NLK: variants seen among roughly 807,000 people sequenced by gnomAD.
NLK encodes serine/threonine-protein kinase NLK.
Under a neutral mutation model 59.0 loss-of-function variants are expected in NLK, and 11 were observed. The observed-to-expected ratio is 0.19, with a 90% CI of 0.12 to 0.31. The LOEUF is 0.31. Among genes scored for constraint, NLK ranks in the 10% least tolerant of loss-of-function variants. NLK has a pLI of 1.00. For missense variants in NLK, 410 were observed against 661.1 expected (o/e 0.62, Z 4.16); for synonymous variants, 235 against 235.9 (o/e 1.00, Z 0.03).
intron 3 of NLK, among the ~76,000 whole-genome samples, chr17:28,133,937 A>G (rs1215885723): frequency 1.3e-5 from 2 of 152,168 alleles, no homozygotes; most frequent in East Asian, 3.9e-4. Flanking sequence ...AAGCTGGGTA[A>G]GGATTTGGGA....
At chr17:28,163,187 G>A (rs750962472) in intron 4 of NLK, among the ~76,000 whole-genome samples, 15 of 152,228 alleles carry the variant, frequency 9.9e-5, no homozygotes, top group African/African-American at 1.9e-4. Flanking sequence ...AGCAGGCTCC[G>A]AGTTGCAGGT....
At chr17:28,175,211 G>A (rs578086297) in intron 7 of NLK, among the ~76,000 whole-genome samples, 15 of 151,598 alleles carry the variant, frequency 9.9e-5, no homozygotes, top group African/African-American at 3.4e-4. Context: ...TTTGGGAGGC[G>A]GAGGCAGGCG....
chr17:28,105,079 G>T (rs1432324386), intron 1 of NLK, among the ~76,000 whole-genome samples: 1 of 152,164 alleles, frequency 6.6e-6, no homozygotes, highest in Non-Finnish European at 1.5e-5. Flanking sequence ...TCCTCAGTAA[G>T]ATTCCAGGCT....
At chr17:28,196,712 T>C (rs562283984), downstream of NLK, among the ~76,000 whole-genome samples, 116 of 152,264 alleles carry the variant, frequency 7.6e-4, no homozygotes, top group African/African-American at 2.7e-3. Context: ...TAAAAGTAGA[T>C]TGCTCTGTAT....
At chr17:28,090,302 A>G (rs1272926165) in intron 1 of NLK, among the ~76,000 whole-genome samples, 1 of 152,296 alleles carries the variant, frequency 6.6e-6, no homozygotes, top group South Asian at 2.1e-4. Context: ...TAAGCCCCAC[A>G]CTACATTGTT....
At chr17:28,153,002 A>G (rs761519339) in intron 3 of NLK, among the ~76,000 whole-genome samples, 3 of 151,560 alleles carry the variant, frequency 2.0e-5, no homozygotes, top group African/African-American at 7.3e-5. Flanking sequence ...GGCCAGGCAC[A>G]GTGGCTCATG....
rs182191092 is a variant in NLK at position 28,109,234 on chromosome 17, T to C, written c.459-13369T>C. Among the ~76,000 whole-genome samples the C allele has an allele frequency of 1.6e-3, 245 of 151,846 alleles. 1 individual carries two copies. The highest frequency in any genetic ancestry group is 1.6e-4 in the Non-Finnish European group (11 of 67,978). ...GGTGATTCCTGTTTGTTTAAATAAG[T>C]GGTTAATATGTGACCTATTTGGATG... On this transcript the variant is annotated intron_variant, in intron 1 of 10. Transcript: ENST00000407008.
Position 28,142,053 on chromosome 17 carries a change from G to A in NLK, c.644+9378G>A, listed in dbSNP as rs575557525. ...GCCTTCTCCAGAGCACTTTGTAAAG[G>A]AGAGAGCTGAAGTTTAAAATAACAT... is the stretch of plus-strand genomic sequence containing the variant. On this transcript the variant is annotated intron_variant, in intron 3 of 10. Coordinates refer to ENST00000407008, the MANE Select transcript of NLK (RefSeq NM_016231.5). Among the ~76,000 whole-genome samples, 38 of 152,314 alleles carry A rather than the reference G, an allele frequency of 2.5e-4. No individual in the cohort carries two copies. In the South Asian group the frequency reaches 7.0e-3, roughly 28 times the overall value.
intron 2 of NLK, among the ~76,000 whole-genome samples, chr17:28,124,123 A>T (rs1906194272): frequency 6.6e-6 from 1 of 152,218 alleles, no homozygotes; most frequent in Non-Finnish European, 1.5e-5. Flanking sequence ...ATTTCATTTT[A>T]ATGATTATTC....
intron 5 of NLK, among the ~76,000 whole-genome samples, chr17:28,167,308 C>T (rs1326218750): frequency 1.3e-5 from 2 of 152,058 alleles, no homozygotes; most frequent in African/African-American, 4.8e-5. Flanking sequence ...ACAGTAATAG[C>T]TCACTGTAGC....
intron 5 of NLK, among the ~76,000 whole-genome samples, chr17:28,166,195 A>G (rs577063444): frequency 1.3e-5 from 2 of 152,330 alleles, no homozygotes; most frequent in South Asian, 4.1e-4. Context: ...AGTCTGGGTG[A>G]CAGAGTGAGA....
At chr17:28,057,598 A>AG (rs1405708723) in intron 1 of NLK, among the ~76,000 whole-genome samples, 5 of 152,208 alleles carry the variant, frequency 3.3e-5, no homozygotes, top group Non-Finnish European at 7.3e-5. Context: ...TTGAGACTTA[A>AG]GGGAACATTT....
chr17:28,094,537 G>A (rs1177382283), intron 1 of NLK, among the ~76,000 whole-genome samples: 2 of 152,280 alleles, frequency 1.3e-5, no homozygotes, highest in Non-Finnish European at 2.9e-5. Context: ...ATGGTAATAC[G>A]TAATGTAAAG....
chr17:28,140,347 A>G (rs1906935066), intron 3 of NLK, among the ~76,000 whole-genome samples: 1 of 152,240 alleles, frequency 6.6e-6, no homozygotes, highest in Admixed American at 6.5e-5. Context: ...GGAAATGGAT[A>G]GTGCTGATGG....
intron 8 of NLK, among the ~76,000 whole-genome samples, chr17:28,189,902 T>C (rs939096775): frequency 6.6e-6 from 1 of 152,190 alleles, no homozygotes; most frequent in Non-Finnish European, 1.5e-5. Flanking sequence ...AAACACCCGC[T>C]TTCTTCTGTG....
At chr17:28,203,296 G>A in the NLK span, among the ~76,000 whole-genome samples, 3 of 151,770 alleles carry the variant, frequency 2.0e-5, no homozygotes, top group African/African-American at 7.3e-5. Flanking sequence ...ATGATCCACT[G>A]CCCCTGGCCC....
chr17:28,113,927 C>T (rs1905637707), intron 1 of NLK, among the ~76,000 whole-genome samples: 2 of 152,114 alleles, frequency 1.3e-5, no homozygotes, highest in South Asian at 4.1e-4. Context: ...GTGTGCATCC[C>T]TAAACATTAT....
At chr17:28,119,514 T>C (rs1905928584) in intron 1 of NLK, among the ~76,000 whole-genome samples, 1 of 152,268 alleles carries the variant, frequency 6.6e-6, no homozygotes, top group South Asian at 2.1e-4. Flanking sequence ...GAAGAAGTAT[T>C]GTATGAGGCC....
At chr17:28,050,891 G>A (rs927207834) in intron 1 of NLK, among the ~76,000 whole-genome samples, 2 of 151,914 alleles carry the variant, frequency 1.3e-5, no homozygotes, top group Admixed American at 1.3e-4. Flanking sequence ...TATCACTTCA[G>A]CCCAAGAGTT....
Sources: gnomAD v4.1 joint callset for allele counts (sites outside exome capture counted in the v4.1 genomes callset) on GRCh38, gnomAD v4.1.1 for gene constraint, MANE v1.5 for transcripts, NCBI Gene and HGNC (gene_info 2026-07-23, HGNC 2026-07-21) for gene names.